MED13L: variants seen among roughly 807,000 people sequenced by gnomAD.
MED13L encodes the protein mediator of RNA polymerase II transcription subunit 13-like.
A neutral mutation model predicts 220.9 loss-of-function variants in MED13L; 7 were observed. The observed-to-expected ratio is 0.03, with a 90% CI of 0.02 to 0.06. The LOEUF (loss-of-function observed/expected upper bound fraction) is 0.06, where lower values mean the gene tolerates loss of function less well. MED13L is among the 10% of genes least tolerant of loss of function. MED13L has a pLI of 1.00. For missense variants in MED13L, 1,965 were observed against 2,760.5 expected, an observed-to-expected ratio of 0.71 and a Z score of 6.46; for synonymous variants, 1,011 against 1,015.2, an observed-to-expected ratio of 1.00 and a Z score of 0.08.
Position 115,961,175 on chromosome 12 carries a change from G to C in MED13L, c.*91C>G. ...ACTGTGGAGAGTGGTCTGAAGAAAA[G>C]GATGTGGGTTATTTGCAGAGTGTAG... is the stretch of plus-strand genomic sequence containing the variant. On this transcript the variant is annotated 3_prime_UTR_variant, in exon 31 of 31. Transcript: ENST00000281928. The C allele has an allele frequency of 6.6e-7, 1 of 1,521,342 alleles. No individual in the cohort carries two copies. The highest frequency in any genetic ancestry group is 9.1e-7 in the Non-Finnish European group (1 of 1,098,164). The allele number at this position is 1,521,342 out of a possible 1,614,324, so 94.2% of individuals were successfully genotyped here.
intron 1 of MED13L, among the ~76,000 whole-genome samples, chr12:116,250,552 T>A (rs1254136132): frequency 3.4e-5 from 5 of 147,164 alleles, no homozygotes; most frequent in African/African-American, 7.6e-5. Context: ...TCACCTGAGG[T>A]CAGGAGTTCG....
chr12:116,009,195 T>G (rs1471527141), intron 9 of MED13L, 63 bp from the exon 10 acceptor site: 2 of 1,594,552 alleles, frequency 1.3e-6, no homozygotes, highest in Admixed American at 1.7e-5. Context: ...CTGACAAAAT[T>G]TTGCCTTTTA....
chr12:116,248,012 TAAG>T (rs1201395549), intron 1 of MED13L, among the ~76,000 whole-genome samples: 1 of 152,170 alleles, frequency 6.6e-6, no homozygotes, highest in Non-Finnish European at 1.5e-5. Context: ...CTCCATACTT[TAAG>T]AATATAGGTA....
chr12:116,047,988 A>G (rs1881938247), intron 4 of MED13L, among the ~76,000 whole-genome samples: 1 of 152,278 alleles, frequency 6.6e-6, no homozygotes, highest in African/African-American at 2.4e-5. Context: ...TAGTGTTGGG[A>G]AAAATCAGTT....
chr12:116,217,194 G>A (rs893164976), intron 2 of MED13L, among the ~76,000 whole-genome samples: 1 of 152,128 alleles, frequency 6.6e-6, no homozygotes, highest in Non-Finnish European at 1.5e-5. Context: ...ATGACCAAGA[G>A]GGTGCTTGAG....
rs544947276 is a variant in MED13L at position 116,193,154 on chromosome 12, A to T, written c.310+44314T>A. Reference sequence around the variant, plus strand: ...AAAAAGAAACAACAACAACAAAAAAAACAAAAATTAGGCAGGCATGGTAGC... The same window carrying T: ...AAAAAGAAACAACAACAACAAAAAATACAAAAATTAGGCAGGCATGGTAGC... On this transcript the variant is annotated intron_variant, in intron 2 of 30. Transcript: ENST00000281928. Among the ~76,000 whole-genome samples the T allele has an allele frequency of 2.1e-3, 325 of 151,908 alleles. 1 individual carries two copies. Among genetic ancestry groups the T allele is most frequent in the Middle Eastern group, 0.014 (4 of 292 alleles).
intron 2 of MED13L, among the ~76,000 whole-genome samples, chr12:116,202,653 C>T (rs1421179541): frequency 2.0e-5 from 3 of 152,092 alleles, no homozygotes; most frequent in Non-Finnish European, 4.4e-5. Context: ...CCCCATGCCT[C>T]GGCTTACGCA....
intron 2 of MED13L, among the ~76,000 whole-genome samples, chr12:116,119,402 T>C (rs1194851065): frequency 6.6e-6 from 1 of 152,136 alleles, no homozygotes; most frequent in Non-Finnish European, 1.5e-5. Context: ...ACCTTTCTCA[T>C]TGAACCAGTT....
chr12:116,078,809 T>C (rs968787998), intron 4 of MED13L, among the ~76,000 whole-genome samples: 2 of 152,106 alleles, frequency 1.3e-5, no homozygotes, highest in Non-Finnish European at 2.9e-5. Flanking sequence ...TTTGAAATTG[T>C]CTAAGAATAT....
intron 4 of MED13L, among the ~76,000 whole-genome samples, chr12:116,084,472 T>C (rs886803942): frequency 1.3e-5 from 2 of 152,204 alleles, no homozygotes; most frequent in Non-Finnish European, 2.9e-5. Context: ...TAATGTCTTG[T>C]TTCTTTCACT....
intron 4 of MED13L, among the ~76,000 whole-genome samples, chr12:116,066,819 C>T (rs547130144): frequency 3.3e-5 from 5 of 151,578 alleles, no homozygotes; most frequent in Non-Finnish European, 5.9e-5. Context: ...CAACAGAGGG[C>T]GAAAGCGGTC....
intron 1 of MED13L, 46 bp downstream of exon 1, chr12:116,277,014 C>G: frequency 7.2e-7 from 1 of 1,395,750 alleles, no homozygotes; most frequent in Non-Finnish European, 9.9e-7. Context: ...TCGGGGACCC[C>G]CCCCCTTCCC....
intron 29 of MED13L, among the ~76,000 whole-genome samples, chr12:115,965,314 C>T (rs922303286): frequency 6.6e-6 from 1 of 152,208 alleles, no homozygotes; most frequent in Admixed American, 6.5e-5. Flanking sequence ...ACTGATGACA[C>T]TTAGGTTCTT....
intron 1 of MED13L, 46 bp downstream of exon 1, chr12:116,277,014 C>CA (rs1194608155): frequency 2.7e-5 from 37 of 1,395,644 alleles, no homozygotes; most frequent in Non-Finnish European, 3.5e-5. Flanking sequence ...TCGGGGACCC[C>CA]CCCCCTTCCC....
intron 1 of MED13L, among the ~76,000 whole-genome samples, chr12:116,265,976 C>T (rs1872802375): frequency 6.6e-6 from 1 of 152,192 alleles, no homozygotes; most frequent in African/African-American, 2.4e-5. Context: ...ATTATGCGGT[C>T]CATGTCACTC....
Position 115,961,099 on chromosome 12 carries a change from T to C in MED13L, c.*167A>G. The C allele has an allele frequency of 1.1e-6, 1 of 913,250 alleles. No individual in the cohort carries two copies. The highest frequency in any genetic ancestry group is 1.5e-5 in the South Asian group (1 of 66,720). The allele number at this position is 913,250 out of a possible 1,614,324, so 56.6% of individuals were successfully genotyped here. ...AAGTGTCAAGGAGTCACTCTGGTAA[T>C]GAACACTGCAGAATTGACATGTGCC... On this transcript the variant is annotated 3_prime_UTR_variant, in exon 31 of 31. Coordinates refer to ENST00000281928, the MANE Select transcript of MED13L (RefSeq NM_015335.5).
chr12:116,235,678 C>T (rs1332253341), intron 2 of MED13L, among the ~76,000 whole-genome samples: 1 of 152,114 alleles, frequency 6.6e-6, no homozygotes, highest in Non-Finnish European at 1.5e-5. Context: ...AATTTAAATG[C>T]CCTACTCCTT....
intron 1 of MED13L, among the ~76,000 whole-genome samples, chr12:116,275,894 CA>C (rs1873775264): frequency 6.6e-6 from 1 of 152,196 alleles, no homozygotes. Flanking sequence ...AATATTTAAA[CA>C]AATTCGTACT....
chr12:116,031,760 G>GAAAAGAA (rs778216025), intron 4 of MED13L, among the ~76,000 whole-genome samples: 1 of 101,116 alleles, frequency 9.9e-6, no homozygotes, highest in African/African-American at 3.7e-5. Context: ...GAAAAGAAAA[G>GAAAAGAA]AAGGAAGGAA....
Sources: allele counts gnomAD v4.1 joint callset (sites outside exome capture counted in the v4.1 genomes callset), GRCh38; gene constraint gnomAD v4.1.1; transcripts MANE v1.5; gene names NCBI Gene and HGNC (gene_info 2026-07-23, HGNC 2026-07-21).